The following LRCH2 variants were observed in gnomAD, a reference collection of about 807,000 sequenced individuals.
The protein encoded by LRCH2 is leucine rich repeats and calponin homology domain containing 2.
A neutral mutation model predicts 68.9 loss-of-function variants in LRCH2; 38 were observed. That is an observed-to-expected ratio of 0.55 (90% CI 0.43 to 0.72). The LOEUF is 0.72. Among genes scored for constraint, LRCH2 ranks in the 30% least tolerant of loss-of-function variants. The pLI is 0.00. For missense variants in LRCH2, 528 were observed against 572.9 expected (o/e 0.92, Z 0.80); for synonymous variants, 191 against 208.1 (o/e 0.92, Z 0.71).
At chrX:115,169,910 G>A (rs1174636323) in intron 6 of LRCH2, among the ~76,000 whole-genome samples, 2 of 110,867 alleles carry the variant, frequency 1.8e-5, no homozygotes, top group Non-Finnish European at 3.8e-5. Flanking sequence ...TAAAGACTAT[G>A]ATGAAAGGGA....
intron 5 of LRCH2, among the ~76,000 whole-genome samples, chrX:115,175,390 C>A (rs2072639117): frequency 9.0e-6 from 1 of 111,342 alleles, no homozygotes; most frequent in African/African-American, 3.3e-5. Flanking sequence ...AACCACTGGC[C>A]ATAAACAAAT....
At chrX:115,153,951 C>T (rs1044469852) in intron 12 of LRCH2, among the ~76,000 whole-genome samples, 1 of 111,374 alleles carries the variant, frequency 9.0e-6, no homozygotes, top group Non-Finnish European at 1.9e-5. Flanking sequence ...GCAATTAGAA[C>T]GTAGATTGTC....
At chrX:115,178,573 G>A (rs1022068789) in intron 5 of LRCH2, among the ~76,000 whole-genome samples, 7 of 111,656 alleles carry the variant, frequency 6.3e-5, no homozygotes, top group African/African-American at 2.3e-4. Context: ...CAGGTTTGAC[G>A]CTGTAAATCA....
Position 115,179,682 on chromosome X carries a change from T to G in LRCH2, c.691A>C (p.Asn231His), listed in dbSNP as rs1556551868. The change falls in exon 4 of 21, where the codon AAT (asparagine) becomes CAT (histidine). Residue 231 changes from asparagine (N) to histidine (H), a missense_variant. Coordinates refer to ENST00000317135, the MANE Select transcript of LRCH2 (RefSeq NM_020871.4). ...ACATGAAGATTATTTCTTCTTATAT[T>G]TAGCTCTCTAAGTGAATGTAATTTT... ...MGKLHSLRELNIRRNNLHVLP... is the reference protein window; with the variant it reads ...MGKLHSLRELHIRRNNLHVLP... 8.6e-7 allele frequency: 1 copy of G among 1,162,627 alleles called. No individual in the cohort carries two copies. Among genetic ancestry groups the G allele is most frequent in the Non-Finnish European group, 1.1e-6 (1 of 873,205 alleles).
intron 14 of LRCH2, among the ~76,000 whole-genome samples, chrX:115,135,913 C>T (rs2072286418): frequency 8.9e-6 from 1 of 111,812 alleles, no homozygotes; most frequent in South Asian, 3.7e-4. Context: ...TTTTTTCATA[C>T]ATAATACTAT....
Position 115,233,680 on chromosome X carries a change from C to T in LRCH2, c.349+13G>A. 8.8e-7 allele frequency: 1 copy of T among 1,130,682 alleles called. No individual in the cohort carries two copies. Among genetic ancestry groups the T allele is most frequent in the Middle Eastern group, 2.6e-4 (1 of 3,780 alleles). 93.2% of individuals were successfully genotyped at this position (1,130,682 alleles called of 1,213,427 possible). On this transcript the variant is annotated intron_variant, in intron 1 of 20. Coordinates refer to ENST00000317135, the MANE Select transcript of LRCH2 (RefSeq NM_020871.4). ...TCCTTCACAGCCAGCTTCCCCTCCC[C>T]CCGTCCTGTCACCTGCTTGGGTGGT... is the stretch of plus-strand genomic sequence containing the variant.
Position 115,149,907 on chromosome X carries a change from G to T in LRCH2, c.1615C>A (p.Pro539Thr), listed in dbSNP as rs1556537800. Residue 539 changes from proline (P) to threonine (T), a missense_variant, in exon 14 of 21, where the codon CCG becomes ACG. Physicochemically the swap from Pro to Thr is conservative, Grantham distance 38. Coordinates refer to ENST00000317135, the MANE Select transcript of LRCH2 (RefSeq NM_020871.4). ...ENQKDQIDEQ[P>T]WPESHPIIWQ... is the part of the protein sequence containing the mutation. ...ATTATAGGGTGAGATTCTGGCCACGGTTGTTCATCTATTTGATCCTTCTGA... is the reference window on the plus strand; with the variant it reads ...ATTATAGGGTGAGATTCTGGCCACGTTTGTTCATCTATTTGATCCTTCTGA... The T allele has an allele frequency of 2.3e-5, 28 of 1,203,847 alleles. No individual in the cohort carries two copies. The highest frequency in any genetic ancestry group is 3.1e-5 in the Non-Finnish European group (28 of 890,702).
chrX:115,141,244 C>T (rs1193410337), intron 14 of LRCH2, among the ~76,000 whole-genome samples: 1 of 108,851 alleles, frequency 9.2e-6, no homozygotes, highest in Admixed American at 9.8e-5. Context: ...AAAAAGAAAG[C>T]TTATTTTGCC....
chrX:115,133,501 G>C (rs1200538431), intron 14 of LRCH2, among the ~76,000 whole-genome samples: 1 of 112,077 alleles, frequency 8.9e-6, no homozygotes, highest in Non-Finnish European at 1.9e-5. Context: ...GTTTCAAAAT[G>C]TGCAGAAAAA....
At chrX:115,138,156 T>C (rs2072306116) in intron 14 of LRCH2, among the ~76,000 whole-genome samples, 1 of 103,465 alleles carries the variant, frequency 9.7e-6, no homozygotes, top group South Asian at 5.3e-4. Context: ...GAAACTAGAA[T>C]TCCCCGTCTC....
intron 1 of LRCH2, among the ~76,000 whole-genome samples, chrX:115,202,175 A>G (rs1556566544): frequency 8.9e-6 from 1 of 112,241 alleles, no homozygotes; most frequent in Non-Finnish European, 1.9e-5. Flanking sequence ...ATAGAACCAA[A>G]AAAGAGTCCA....
intron 1 of LRCH2, among the ~76,000 whole-genome samples, chrX:115,222,561 A>G: frequency 8.9e-6 from 1 of 112,503 alleles, no homozygotes; most frequent in Admixed American, 9.4e-5. Context: ...AGGATAAATG[A>G]TCACTTATAA....
intron 20 of LRCH2, among the ~76,000 whole-genome samples, chrX:115,121,552 G>A (rs1210946127): frequency 4.5e-5 from 5 of 111,886 alleles, no homozygotes; most frequent in Non-Finnish European, 9.4e-5. Flanking sequence ...TTGGGAGGCT[G>A]AGGCAGGAAA....
intron 14 of LRCH2, 35 bp from the exon 15 acceptor site, chrX:115,130,234 C>T (rs1302147092): frequency 1.3e-6 from 1 of 789,864 alleles, no homozygotes; most frequent in Non-Finnish European, 1.8e-6. Context: ...TTTATTTTCC[C>T]TTGAACATAT....
chrX:115,207,293 C>A (rs147603940), intron 1 of LRCH2, among the ~76,000 whole-genome samples: 3,120 of 111,254 alleles, frequency 0.028, 110 homozygotes, highest in African/African-American at 0.096. Context: ...AATCCCAACA[C>A]TTTGGGAGGC....
chrX:115,126,094 T>C lies in LRCH2; in HGVS notation c.1791+749A>G, dbSNP rs1242034706. Among the ~76,000 whole-genome samples, 3 of 111,628 alleles carry C rather than the reference T, an allele frequency of 2.7e-5. No homozygotes were observed. The Admixed American group carries it at 2.9e-4, about 11-fold the overall frequency. Reference sequence around the variant, plus strand: ...GCCATCCAACACTTTGAGCAAAGTGTTGAATTCATCAAATGAATGTGTAAT... The same window carrying C: ...GCCATCCAACACTTTGAGCAAAGTGCTGAATTCATCAAATGAATGTGTAAT... On this transcript the variant is annotated intron_variant, in intron 16 of 20. Coordinates refer to ENST00000317135, the MANE Select transcript of LRCH2 (RefSeq NM_020871.4).
chrX:115,189,695 T>A (rs1556556282), intron 1 of LRCH2: 1 of 1,167,725 alleles, frequency 8.6e-7, no homozygotes. Flanking sequence ...GCCCAGACCA[T>A]CAAACCGGCA....
chrX:115,146,040 G>A (rs2072379446), intron 14 of LRCH2, among the ~76,000 whole-genome samples: 3 of 112,019 alleles, frequency 2.7e-5, no homozygotes, highest in East Asian at 2.8e-4. Context: ...AGCAACCTAA[G>A]TGTCCATCAA....
intron 14 of LRCH2, among the ~76,000 whole-genome samples, chrX:115,135,217 G>T (rs1357768030): frequency 1.9e-5 from 2 of 106,291 alleles, no homozygotes; most frequent in East Asian, 5.9e-4. Context: ...GACCTCCTGG[G>T]CTCTAAGAAT....
Sources: gnomAD v4.1 joint callset for allele counts (sites outside exome capture counted in the v4.1 genomes callset) on GRCh38, gnomAD v4.1.1 for gene constraint, MANE v1.5 for transcripts, NCBI Gene and HGNC (gene_info 2026-07-23, HGNC 2026-07-21) for gene names.